Variants in MYH4 observed in about 807,000 individuals in gnomAD.
MYH4 encodes myosin-4.
A neutral mutation model predicts 229.9 loss-of-function variants in MYH4; 200 were observed. The ratio of observed to expected loss-of-function variants is 0.87; its 90% CI spans 0.78 to 0.98. The LOEUF (loss-of-function observed/expected upper bound fraction) is 0.98. MYH4 is among the 50% of genes least tolerant of loss of function. The pLI is 0.00. For missense variants in MYH4, 2,148 were observed against 2,332.6 expected, an observed-to-expected ratio of 0.92 and a Z score of 1.63; for synonymous variants, 761 against 834.6, an observed-to-expected ratio of 0.91 and a Z score of 1.52.
chr17:10,454,777 A>G lies in MYH4; in HGVS notation c.2469T>C (p.Arg823=), dbSNP rs773468637. 3.1e-6 allele frequency: 5 copies of G among 1,614,106 alleles called. No homozygotes were observed. Among genetic ancestry groups the G allele is most frequent in the Non-Finnish European group, 2.5e-6 (3 of 1,180,046 alleles). ...GCCAGTGCTTCACATTCATGAAAGC[A>G]CGGATGTTGTACTGAATGCAGAAGA... ...ESIFCIQYNI[R]AFMNVKHWPW... The change falls in exon 22 of 40, where the codon CGT becomes CGC. Residue 823 remains arginine, a synonymous_variant. Transcript: ENST00000255381.
In MYH4 at chr17:10,448,123, A is replaced by T. The variant is rs1474536733; in HGVS notation, c.4660T>A (p.Ser1554Thr). 6.2e-7 allele frequency: 1 copy of T among 1,603,996 alleles called. No homozygotes were observed. The highest frequency in any genetic ancestry group is 8.5e-7 in the Non-Finnish European group (1 of 1,175,612). ...LQTSLEEAEA[S>T]LEHEEGKILR... The stretch of plus-strand genomic sequence containing the variant: ...ATTTTGCCTTCTTCATGCTCAAGAG[A>T]TGCCTTAATAAAAGCAACATTTATT... Residue 1554 changes from serine to threonine, a missense_variant, in exon 34 of 40, where the codon TCT (serine) becomes ACT (threonine). Physicochemically the swap from Ser to Thr is moderately conservative, Grantham distance 58. Coordinates refer to ENST00000255381, the MANE Select transcript of MYH4 (RefSeq NM_017533.2).
chr17:10,463,687 A>G, intron 7 of MYH4, 44 bp from the exon 8 acceptor site: 1 of 1,473,712 alleles, frequency 6.8e-7, no homozygotes, highest in South Asian at 1.2e-5. Context: ...AAGTTGCAGT[A>G]AATAATTTCC....
rs1198440710 is a variant in MYH4, at chr17:10,452,419, T to C, written c.3345A>G (p.Leu1115=). 2.5e-6 allele frequency: 4 copies of C among 1,614,074 alleles called. No individual in the cohort carries two copies. The highest frequency in any genetic ancestry group is 1.6e-4 in the Middle Eastern group (1 of 6,084). ...AIQLQKKIKE[L]QARIEELEEE... is the part of the protein sequence containing the mutation. ...AAAGGTGGAGGTTATAACTTACCTG[T>C]AATTCTTTGATCTTCTTTTGTAGCT... is the stretch of plus-strand genomic sequence containing the variant. Residue 1115 remains leucine (L), a synonymous_variant, in exon 26 of 40, where the codon TTA becomes TTG. Coordinates refer to ENST00000255381, the MANE Select transcript of MYH4 (RefSeq NM_017533.2).
chr17:10,446,070 T>C (rs1439133193), intron 35 of MYH4, among the ~76,000 whole-genome samples: 1 of 141,036 alleles, frequency 7.1e-6, no homozygotes, highest in East Asian at 2.1e-4. Context: ...CTTGTTGGGA[T>C]AAAAATGAGC....
Position 10,460,300 on chromosome 17 carries a change from A to G in MYH4, c.1169T>C (p.Leu390Pro). 2 of 1,608,776 alleles carry G rather than the reference A, an allele frequency of 1.2e-6. No homozygotes were observed. Among genetic ancestry groups the G allele is most frequent in the Non-Finnish European group, 1.7e-6 (2 of 1,175,636 alleles). Reference protein sequence around the residue: ...GTEVADKAAYLTSLNSADLLK... With the variant: ...GTEVADKAAYPTSLNSADLLK... ...CAGGTCAGCAGAGTTCAGACTTGTC[A>G]GATAAGCAGCTTTGTCAGCAACTGT... Residue 390 changes from leucine (L) to proline (P), a missense_variant, in exon 13 of 40, where the codon CTG becomes CCG. Leu to Pro is a moderately conservative substitution (Grantham distance 98, BLOSUM62 -3). Coordinates refer to ENST00000255381, the MANE Select transcript of MYH4 (RefSeq NM_017533.2).
At chr17:10,456,658 A>G in intron 16 of MYH4, 103 bp from the exon 17 acceptor site, 3 of 826,676 alleles carry the variant, frequency 3.6e-6, no homozygotes, top group Non-Finnish European at 6.1e-6. Context: ...TTAAATTTGC[A>G]CTCATTCACT....
Position 10,460,197 on chromosome 17 carries a change from GT to G in MYH4, c.1266+5del. The G allele has an allele frequency of 1.9e-6, 3 of 1,613,692 alleles. No homozygotes were observed. The highest frequency in any genetic ancestry group is 2.5e-6 in the Non-Finnish European group (3 of 1,179,604). Reference sequence around the variant, plus strand: ...AAATAAATCAGACAATTTAAGTCATGTTTACCTGCTGCACAGTCTGGCCTTT... The same window carrying G: ...AAATAAATCAGACAATTTAAGTCATGTTACCTGCTGCACAGTCTGGCCTTT... On this transcript the variant is annotated splice_donor_5th_base_variant and intron_variant, in intron 13 of 39. Transcript: ENST00000255381.
At position 10,455,911 on chromosome 17, in the gene MYH4, C is replaced by T. The variant is rs754610638; in HGVS notation, c.1969-10G>A. 5.6e-6 allele frequency: 9 copies of T among 1,614,004 alleles called. No homozygotes were observed. The highest frequency in any genetic ancestry group is 1.7e-5 in the Admixed American group (1 of 59,998). ...GCTTATTCAAATTCTCCTGTGGAAC[C>T]ATATGAAAAGTTTTAAAATCATTTC... On this transcript the variant is annotated splice_polypyrimidine_tract_variant and intron_variant, in intron 17 of 39. Coordinates refer to ENST00000255381, the MANE Select transcript of MYH4 (RefSeq NM_017533.2).
intron 35 of MYH4, among the ~76,000 whole-genome samples, chr17:10,446,021 C>G (rs2072508513): frequency 1.1e-5 from 1 of 89,980 alleles, no homozygotes; most frequent in African/African-American, 4.0e-5. Context: ...GAGTGAGACC[C>G]CTTCTCAAAA....
At chr17:10,456,019 A>G (rs1437952998) in intron 17 of MYH4, 118 bp from the exon 18 acceptor site, 1 of 1,247,600 alleles carries the variant, frequency 8.0e-7, no homozygotes, top group African/African-American at 1.5e-5. Context: ...AAAACAAATT[A>G]TCATAACAGA....
Position 10,452,450 on chromosome 17 carries a change from G to T in MYH4, c.3314C>A (p.Ala1105Glu). 1 of 1,614,112 alleles carries T rather than the reference G, an allele frequency of 6.2e-7. No homozygotes were observed. The highest frequency in any genetic ancestry group is 1.3e-5 in the African/African-American group (1 of 75,046). The change falls in exon 26 of 40, where the codon GCA becomes GAA. Residue 1105 changes from alanine to glutamate, a missense_variant. Transcript: ENST00000255381. Reference protein sequence around the residue: ...QGKIEDEQALAIQLQKKIKEL... With the variant: ...QGKIEDEQALEIQLQKKIKEL... ...TTTGATCTTCTTTTGTAGCTGTATT[G>T]CAAGGGCTTGTTCATCTTCAATCTT...
intron 11 of MYH4, among the ~76,000 whole-genome samples, 191 bp from the exon 12 acceptor site, chr17:10,461,245 T>A (rs1156533206): frequency 6.6e-6 from 1 of 152,158 alleles, no homozygotes; most frequent in Non-Finnish European, 1.5e-5. Flanking sequence ...TATGCATCAG[T>A]CTTTCCATTT....
Position 10,443,630 on chromosome 17 carries a change from G to T in MYH4, c.5668-103C>A. ...TTGCCTCATGAATGAGAAAGAAAAA[G>T]GCTCCGTTGTCCAGGCATGGTGGCT... is the stretch of plus-strand genomic sequence containing the variant. On this transcript the variant is annotated intron_variant, in intron 39 of 39. Coordinates refer to ENST00000255381, the MANE Select transcript of MYH4 (RefSeq NM_017533.2). The surrounding 1 kb of genome is among the most constrained non-coding windows in gnomAD (Gnocchi z 4.6). 1.5e-6 allele frequency: 2 copies of T among 1,298,310 alleles called. No homozygotes were observed. The highest frequency in any genetic ancestry group is 1.5e-5 in the South Asian group (1 of 68,924). 80.4% of individuals were successfully genotyped at this position (1,298,310 alleles called of 1,614,324 possible).
At chr17:10,449,117 C>T in intron 30 of MYH4, 70 bp from the exon 31 acceptor site, 1 of 1,348,230 alleles carries the variant, frequency 7.4e-7, no homozygotes, top group Non-Finnish European at 1.0e-6. Context: ...TATAAAGCTG[C>T]TGACTAGGAA....
intron 35 of MYH4, among the ~76,000 whole-genome samples, chr17:10,446,719 A>C (rs996476446): frequency 6.6e-6 from 1 of 152,134 alleles, no homozygotes; most frequent in African/African-American, 2.4e-5. Flanking sequence ...TTAGAGTTGC[A>C]TAAGACAAGA....
chr17:10,452,181 C>T lies in MYH4; in HGVS notation c.3498G>A (p.Glu1166=). Residue 1166 remains glutamate (E), a synonymous_variant, in exon 27 of 40, where the codon GAG becomes GAA. Transcript: ENST00000255381. ...ACTCAGCCTCCCGCTTCTTGTTCATCTCAATCTGGGCTGAAGTGGCCCCAC... is the reference window on the plus strand; with the variant it reads ...ACTCAGCCTCCCGCTTCTTGTTCATTTCAATCTGGGCTGAAGTGGCCCCAC... ...EAGGATSAQI[E]MNKKREAEFQ... The T allele has an allele frequency of 6.2e-7, 1 of 1,613,970 alleles. No homozygotes were observed. The highest frequency in any genetic ancestry group is 1.7e-5 in the Admixed American group (1 of 60,020).
rs1035809713 is a variant in MYH4 at position 10,457,338 on chromosome 17, T to C, written c.1897+82A>G. ...TGGCCAGTGTTTTTGTGTCAGGTTT[T>C]GCTGTAACTACATTTGTCTCTGTTG... On this transcript the variant is annotated intron_variant, in intron 16 of 39. Transcript: ENST00000255381. 2.1e-6 allele frequency: 3 copies of C among 1,460,110 alleles called. No homozygotes were observed. In the African/African-American group the frequency reaches 4.2e-5, roughly 21 times the overall value. The allele number at this position is 1,460,110 out of a possible 1,614,324, so 90.4% of individuals were successfully genotyped here.
At chr17:10,450,214 G>A (rs1330821796) in intron 30 of MYH4, among the ~76,000 whole-genome samples, 1 of 152,002 alleles carries the variant, frequency 6.6e-6, no homozygotes, top group Non-Finnish European at 1.5e-5. Context: ...CCATCTTGGT[G>A]GAAAGAAATT....
chr17:10,452,578 A>G, intron 25 of MYH4, 72 bp from the exon 26 acceptor site: 2 of 1,457,274 alleles, frequency 1.4e-6, no homozygotes, highest in East Asian at 4.7e-5. Context: ...ATAATCTAAG[A>G]CTTTTTTTAT....
Sources: gnomAD v4.1 joint callset for allele counts (sites outside exome capture counted in the v4.1 genomes callset) on GRCh38, gnomAD v4.1.1 for gene constraint, Gnocchi (gnomAD v3.1) non-coding constraint, MANE v1.5 for transcripts, NCBI Gene and HGNC (gene_info 2026-07-23, HGNC 2026-07-21) for gene names.